INPP5B: variants seen among roughly 807,000 people sequenced by gnomAD.
INPP5B encodes type II inositol 1,4,5-trisphosphate 5-phosphatase.
A neutral mutation model predicts 118.5 loss-of-function variants in INPP5B; 90 were observed. The observed-to-expected ratio is 0.76, with a 90% CI of 0.64 to 0.90. The LOEUF (loss-of-function observed/expected upper bound fraction) is 0.90. INPP5B is among the 40% of genes least tolerant of loss of function. The pLI, the probability that INPP5B is intolerant of heterozygous loss-of-function variation, is 0.00. For missense variants in INPP5B, 984 were observed against 1,125.6 expected (o/e 0.87, Z 1.80); for synonymous variants, 385 against 418.9 (o/e 0.92, Z 0.99).
At chr1:37,899,176 T>C (rs1316735138) in intron 7 of INPP5B, among the ~76,000 whole-genome samples, 17 of 36,714 alleles carry the variant, frequency 4.6e-4, no homozygotes, top group Non-Finnish European at 7.6e-4. Flanking sequence ...AGTGAAACTG[T>C]CAAAAAAAAA....
In INPP5B at chr1:37,875,593, A is replaced by G. The variant is rs1642745115; in HGVS notation, c.1788+13T>C. On this transcript the variant is annotated intron_variant, in intron 17 of 23. Coordinates refer to ENST00000373024, the MANE Select transcript of INPP5B (RefSeq NM_005540.3). ...TGAGCCCAATGCTAATATTCTTAAC[A>G]TGTCCTTCCTACCTCTCGCTTGGAC... is the stretch of plus-strand genomic sequence containing the variant. The G allele has an allele frequency of 2.5e-6, 4 of 1,598,144 alleles. No homozygotes were observed. The highest frequency in any genetic ancestry group is 2.6e-6 in the Non-Finnish European group (3 of 1,165,610).
At chr1:37,913,599 C>T (rs955443012) in intron 7 of INPP5B, among the ~76,000 whole-genome samples, 3 of 152,078 alleles carry the variant, frequency 2.0e-5, no homozygotes, top group Non-Finnish European at 2.9e-5. Context: ...AATATCACCC[C>T]CTACCCCAAA....
chr1:37,889,769 T>C (rs1161279058), intron 8 of INPP5B, 45 bp from the exon 9 acceptor site: 3 of 1,452,790 alleles, frequency 2.1e-6, no homozygotes, highest in African/African-American at 1.4e-5. Flanking sequence ...TGAGTCCCCA[T>C]GGCAAAATGA....
chr1:37,869,344 T>G (rs1486697698), intron 19 of INPP5B, among the ~76,000 whole-genome samples: 2 of 149,208 alleles, frequency 1.3e-5, no homozygotes, highest in Non-Finnish European at 3.0e-5. Flanking sequence ...GGGGTCTCGC[T>G]ATGCTGCCCA....
chr1:37,923,604 T>A (rs1645126852), intron 7 of INPP5B, among the ~76,000 whole-genome samples: 1 of 151,350 alleles, frequency 6.6e-6, no homozygotes, highest in Admixed American at 6.6e-5. Context: ...GATACCAACA[T>A]GAATAAGGGG....
At chr1:37,891,882 T>C (rs1381377024) in intron 7 of INPP5B, among the ~76,000 whole-genome samples, 9 of 152,210 alleles carry the variant, frequency 5.9e-5, no homozygotes, top group Non-Finnish European at 1.0e-4. Context: ...GTAGTCCACA[T>C]ATTGCTTCAA....
chr1:37,886,514 G>C (rs1256403880), intron 12 of INPP5B, among the ~76,000 whole-genome samples: 1 of 152,136 alleles, frequency 6.6e-6, no homozygotes, highest in African/African-American at 2.4e-5. Flanking sequence ...AGCTCTCACA[G>C]AAGAACCTAA....
chr1:37,887,509 T>A (rs769596993), intron 10 of INPP5B, 44 bp from the exon 11 acceptor site: 8 of 1,139,302 alleles, frequency 7.0e-6, no homozygotes, highest in Middle Eastern at 1.9e-4. Context: ...AAAAGTAATG[T>A]GCAAATGACA....
chr1:37,883,040 C>T, intron 13 of INPP5B, 122 bp from the exon 14 acceptor site: 1 of 1,453,962 alleles, frequency 6.9e-7, no homozygotes, highest in Non-Finnish European at 9.0e-7. Context: ...GAAAATGGCT[C>T]AACTGTTCGG....
chr1:37,930,881 C>G (rs1645429425), intron 7 of INPP5B: 2 of 152,446 alleles, frequency 1.3e-5, no homozygotes, highest in Admixed American at 1.3e-4. Context: ...CAAATAGGTA[C>G]TAGGGGTCAT....
At chr1:37,893,153 T>A (rs1570138049) in intron 7 of INPP5B, among the ~76,000 whole-genome samples, 1 of 145,378 alleles carries the variant, frequency 6.9e-6, no homozygotes, top group East Asian at 2.0e-4. Flanking sequence ...CTGATCATGG[T>A]TCACTGTAGC....
chr1:37,931,518 C>G (rs962596306), intron 7 of INPP5B: 23 of 1,535,340 alleles, frequency 1.5e-5, no homozygotes, highest in Non-Finnish European at 1.9e-5. Context: ...CACAGAACTT[C>G]TGCCCCAGTG....
chr1:37,862,207 A>G lies in INPP5B; in HGVS notation c.*108T>C, dbSNP rs1226401345. The G allele has an allele frequency of 1.4e-6, 1 of 722,672 alleles. No individual in the cohort carries two copies. The highest frequency in any genetic ancestry group is 2.5e-5 in the East Asian group (1 of 39,568). 44.8% of individuals were successfully genotyped at this position (722,672 alleles called of 1,614,324 possible). ...GTACTAGGCTCAGGAAATAGCTGCCATTCTTGCTACCAAGTGGCCTCACAT... is the reference window on the plus strand; with the variant it reads ...GTACTAGGCTCAGGAAATAGCTGCCGTTCTTGCTACCAAGTGGCCTCACAT... On this transcript the variant is annotated 3_prime_UTR_variant, in exon 24 of 24. Transcript: ENST00000373024.
intron 23 of INPP5B, among the ~76,000 whole-genome samples, chr1:37,863,027 T>G (rs1641791386): frequency 6.6e-6 from 1 of 151,986 alleles, no homozygotes; most frequent in African/African-American, 2.4e-5. Flanking sequence ...GTGTCCCCAG[T>G]GGGGGCTCGT....
chr1:37,880,423 T>TTTTTTTTATTTA (rs373379144), intron 14 of INPP5B, among the ~76,000 whole-genome samples: 2 of 149,732 alleles, frequency 1.3e-5, no homozygotes, highest in African/African-American at 2.4e-5. Flanking sequence ...GTTTTTAATG[T>TTTTTTTTATTTA]TTTATTTATT....
intron 4 of INPP5B, 21 bp from the exon 5 acceptor site, chr1:37,943,690 A>G (rs1207493741): frequency 1.9e-6 from 3 of 1,613,802 alleles, no homozygotes; most frequent in Admixed American, 1.7e-5. Context: ...GGAAATGAGA[A>G]TGCCCTTAGC....
At position 37,880,257 on chromosome 1, in the gene INPP5B, G is replaced by C. The variant is rs893520177; in HGVS notation, c.1432-63C>G. ...AAAAAGGTCAAACTTTGAATTAGTG[G>C]AGAAAAGCATATCAATCTGGAATTC... On this transcript the variant is annotated intron_variant, in intron 14 of 23. Coordinates refer to ENST00000373024, the MANE Select transcript of INPP5B (RefSeq NM_005540.3). The C allele has an allele frequency of 5.0e-5, 60 of 1,209,266 alleles. No homozygotes were observed. The African/African-American group carries it at 8.0e-4, about 16-fold the overall frequency. 74.9% of individuals were successfully genotyped at this position (1,209,266 alleles called of 1,614,324 possible).
intron 16 of INPP5B, 122 bp downstream of exon 16, chr1:37,878,066 T>C: frequency 1.7e-6 from 2 of 1,153,854 alleles, no homozygotes; most frequent in Non-Finnish European, 2.5e-6. Context: ...TTTTAAATTG[T>C]CCTAAAAGGG....
chr1:37,873,899 ACTCAAGCAAAAAG>A, intron 18 of INPP5B, 81 bp downstream of exon 18: 1 of 965,152 alleles, frequency 1.0e-6, no homozygotes, highest in East Asian at 2.9e-5. Context: ...AGAATAAAAC[ACTCAAGCAAAAAG>A]CTCATTTTAG....
Sources: allele counts gnomAD v4.1 joint callset (sites outside exome capture counted in the v4.1 genomes callset), GRCh38; gene constraint gnomAD v4.1.1; transcripts MANE v1.5; gene names NCBI Gene and HGNC (gene_info 2026-07-23, HGNC 2026-07-21).